NBEA: variants seen among roughly 807,000 people sequenced by gnomAD.
The protein encoded by NBEA is lysosomal-trafficking regulator 2.
In NBEA, 44 loss-of-function variants were observed where a neutral mutation model predicts 343.4. That is an observed-to-expected ratio of 0.13 (90% CI 0.10 to 0.16). NBEA has a LOEUF of 0.16. Ranked by LOEUF, NBEA falls within the 10% of genes least tolerant of loss-of-function variation. The probability of loss-of-function intolerance (pLI) is 1.00; values close to 1 mark genes in which losing one functional copy is unlikely to be tolerated. For missense variants in NBEA, 2,555 were observed against 3,631.3 expected, an observed-to-expected ratio of 0.70 and a Z score of 7.62; for synonymous variants, 1,175 against 1,238.7, an observed-to-expected ratio of 0.95 and a Z score of 1.08.
chr13:35,308,537 T>G, intron 35 of NBEA, among the ~76,000 whole-genome samples: 1 of 124,500 alleles, frequency 8.0e-6, no homozygotes. Flanking sequence ...TATATGTATA[T>G]ATGTATATAT....
chr13:35,545,207 A>G (rs2079011196), intron 41 of NBEA, among the ~76,000 whole-genome samples: 2 of 152,218 alleles, frequency 1.3e-5, no homozygotes, highest in Non-Finnish European at 2.9e-5. Context: ...GAAATGTACC[A>G]TAAACTCAGT....
intron 41 of NBEA, among the ~76,000 whole-genome samples, chr13:35,549,550 A>G (rs2079214920): frequency 6.6e-6 from 1 of 152,106 alleles, no homozygotes; most frequent in Non-Finnish European, 1.5e-5. Context: ...CCAGATGTGG[A>G]TGCTTGCTGT....
intron 22 of NBEA, 134 bp from the exon 23 acceptor site, chr13:35,161,616 T>C (rs558449971): frequency 1.3e-6 from 1 of 780,862 alleles, no homozygotes; most frequent in South Asian, 2.0e-5. Context: ...GAATAATATA[T>C]GTGAAATATA....
At chr13:35,169,627 G>A (rs992608433) in intron 25 of NBEA, among the ~76,000 whole-genome samples, 7 of 151,586 alleles carry the variant, frequency 4.6e-5, no homozygotes, top group African/African-American at 1.7e-4. Context: ...TCAAAATGAT[G>A]AAGAATTTGT....
chr13:34,954,985 G>C (rs1183169475), intron 1 of NBEA, among the ~76,000 whole-genome samples: 1 of 152,128 alleles, frequency 6.6e-6, no homozygotes, highest in African/African-American at 2.4e-5. Context: ...ATTTGAGACT[G>C]GTAAGGAGTC....
intron 35 of NBEA, among the ~76,000 whole-genome samples, chr13:35,294,873 A>C (rs2152821015): frequency 6.6e-6 from 1 of 152,030 alleles, no homozygotes; most frequent in South Asian, 2.1e-4. Flanking sequence ...ATTCAGCATA[A>C]GCAGCGGAGA....
chr13:35,385,293 G>GT (rs964404798), intron 38 of NBEA, among the ~76,000 whole-genome samples: 32 of 152,174 alleles, frequency 2.1e-4, no homozygotes, highest in Admixed American at 1.9e-3. Flanking sequence ...TTTATAATTA[G>GT]TTTTTTGCCT....
At position 35,568,141 on chromosome 13, in the gene NBEA, T is replaced by A. The variant is rs531233528; in HGVS notation, c.7035+1124T>A. On this transcript the variant is annotated intron_variant, in intron 45 of 58. Transcript: ENST00000379939. ...GCACTTCCTGAGTATTAAGTATTAT[T>A]GTTACACATGGAATATTTCTTAGCC... 8.9e-4 allele frequency among the ~76,000 whole-genome samples: 135 copies of A among 152,354 alleles called. 2 individuals carry two copies. The South Asian group carries it at 0.02, about 23-fold the overall frequency.
At chr13:34,956,351 G>C (rs1338898184) in intron 1 of NBEA, among the ~76,000 whole-genome samples, 1 of 147,088 alleles carries the variant, frequency 6.8e-6, no homozygotes, top group Non-Finnish European at 1.5e-5. Context: ...TTTTTTATAA[G>C]AGCAAAAAAA....
Position 35,098,288 on chromosome 13 carries a change from T to C in NBEA, c.1572-9T>C, listed in dbSNP as rs781587996. ...TGATTACATAATGATGTCTGTACTT[T>C]ACATGCAGTGCTACTCTGTTGGCAT... is the stretch of plus-strand genomic sequence containing the variant. On this transcript the variant is annotated splice_polypyrimidine_tract_variant and intron_variant, in intron 10 of 58. Transcript: ENST00000379939. 34 of 1,545,342 alleles carry C rather than the reference T, an allele frequency of 2.2e-5. 1 individual carries two copies. The South Asian group carries it at 3.8e-4, about 17-fold the overall frequency.
intron 33 of NBEA, among the ~76,000 whole-genome samples, chr13:35,230,776 C>T (rs1429141311): frequency 1.3e-5 from 2 of 151,948 alleles, no homozygotes; most frequent in Non-Finnish European, 1.5e-5. Context: ...ATAGTAAATA[C>T]TCTCATTAAA....
At chr13:35,539,581 A>T (rs1221793701) in intron 41 of NBEA, among the ~76,000 whole-genome samples, 1 of 152,062 alleles carries the variant, frequency 6.6e-6, no homozygotes, top group Non-Finnish European at 1.5e-5. Context: ...TTAGGATGCA[A>T]ATTTTTAAAA....
chr13:35,050,473 T>G (rs1222933589), intron 6 of NBEA, 78 bp downstream of exon 6: 4 of 1,384,940 alleles, frequency 2.9e-6, no homozygotes, highest in Non-Finnish European at 3.9e-6. Flanking sequence ...CTCTGTAGTA[T>G]TCTCTTTCAC....
At chr13:35,339,770 A>G (rs2039477327) in intron 36 of NBEA, among the ~76,000 whole-genome samples, 1 of 152,016 alleles carries the variant, frequency 6.6e-6, no homozygotes, top group African/African-American at 2.4e-5. Context: ...CACACTTTTA[A>G]CAACCAAAGT....
chr13:35,147,609 A>G (rs1248097726), intron 18 of NBEA, among the ~76,000 whole-genome samples: 1 of 152,138 alleles, frequency 6.6e-6, no homozygotes, highest in African/African-American at 2.4e-5. Context: ...GAGGACTTAA[A>G]GGTGGAGCTG....
intron 34 of NBEA, among the ~76,000 whole-genome samples, chr13:35,253,078 G>A (rs9600401): frequency 1.3e-5 from 2 of 152,040 alleles, no homozygotes; most frequent in African/African-American, 2.4e-5. Flanking sequence ...CTTCTCAAAG[G>A]CTCTGTGCCT....
chr13:35,630,572 G>A (rs968436312), intron 49 of NBEA, among the ~76,000 whole-genome samples: 2 of 152,020 alleles, frequency 1.3e-5, no homozygotes, highest in Admixed American at 6.6e-5. Context: ...ATGCTCATTC[G>A]AAGCACATAA....
chr13:35,484,044 T>C (rs1405702590), intron 41 of NBEA, among the ~76,000 whole-genome samples: 4 of 152,044 alleles, frequency 2.6e-5, no homozygotes, highest in Non-Finnish European at 5.9e-5. Flanking sequence ...TAACAGTTTT[T>C]GATAATACCT....
intron 1 of NBEA, among the ~76,000 whole-genome samples, chr13:34,961,947 G>A (rs2059673625): frequency 6.6e-6 from 1 of 151,918 alleles, no homozygotes; most frequent in East Asian, 1.9e-4. Context: ...TGAGGGCTAG[G>A]TGTAAAAAAA....
Sources: gnomAD v4.1 joint callset for allele counts (sites outside exome capture counted in the v4.1 genomes callset) on GRCh38, gnomAD v4.1.1 for gene constraint, MANE v1.5 for transcripts, NCBI Gene and HGNC (gene_info 2026-07-23, HGNC 2026-07-21) for gene names.